Variants in FIGN observed in about 807,000 individuals in gnomAD.
The protein encoded by FIGN is fidgetin.
Under a neutral mutation model 51.3 loss-of-function variants are expected in FIGN, and 11 were observed. The observed-to-expected ratio is 0.21, with a 90% confidence interval of 0.13 to 0.35. The LOEUF (loss-of-function observed/expected upper bound fraction) is 0.35. Among genes scored for constraint, FIGN ranks in the 10% least tolerant of loss-of-function variants. FIGN has a pLI of 1.00. For synonymous variants in FIGN, 407 were observed against 363.2 expected (o/e 1.12, Z -1.37); for missense variants, 857 against 943.6 (o/e 0.91, Z 1.20).
intron 2 of FIGN, among the ~76,000 whole-genome samples, chr2:163,642,799 A>G (rs547254941): frequency 2.3e-4 from 35 of 152,360 alleles, no homozygotes; most frequent in African/African-American, 7.9e-4. Context: ...AGCATCAAAA[A>G]TAATAAAATG....
intron 2 of FIGN, among the ~76,000 whole-genome samples, chr2:163,613,712 A>G (rs1452846754): frequency 6.6e-6 from 1 of 152,224 alleles, no homozygotes; most frequent in Non-Finnish European, 1.5e-5. Context: ...CTTAATGATT[A>G]AGAAATACTG....
intron 2 of FIGN, among the ~76,000 whole-genome samples, chr2:163,650,227 T>C (rs1683449839): frequency 6.6e-6 from 1 of 152,074 alleles, no homozygotes; most frequent in Admixed American, 6.6e-5. Flanking sequence ...TGTAATGTGC[T>C]ATAATATAGT....
At chr2:163,733,245 A>G (rs1684960491) in intron 2 of FIGN, among the ~76,000 whole-genome samples, 1 of 152,192 alleles carries the variant, frequency 6.6e-6, no homozygotes, top group Non-Finnish European at 1.5e-5. Context: ...GAGGGGGGCA[A>G]TTTACACACT....
intron 2 of FIGN, among the ~76,000 whole-genome samples, chr2:163,733,697 T>G (rs1461097965): frequency 6.6e-6 from 1 of 152,152 alleles, no homozygotes; most frequent in African/African-American, 2.4e-5. Context: ...TTTCCTATCG[T>G]GTAAGTGTGG....
intron 2 of FIGN, among the ~76,000 whole-genome samples, chr2:163,704,400 G>A (rs1026413540): frequency 1.3e-5 from 2 of 152,026 alleles, no homozygotes; most frequent in Non-Finnish European, 2.9e-5. Context: ...AACATGGAGC[G>A]TAATTGTCAG....
intron 2 of FIGN, among the ~76,000 whole-genome samples, chr2:163,684,249 T>C (rs1684111143): frequency 6.6e-6 from 1 of 152,186 alleles, no homozygotes; most frequent in Non-Finnish European, 1.5e-5. Flanking sequence ...TTAGTCTCTA[T>C]AAAGGTACTA....
chr2:163,613,233 C>A (rs998887772), intron 2 of FIGN, among the ~76,000 whole-genome samples: 5 of 151,880 alleles, frequency 3.3e-5, no homozygotes, highest in African/African-American at 1.2e-4. Flanking sequence ...TTTAACACTT[C>A]CTATTCTGGT....
At chr2:163,668,003 C>T (rs1207530290) in intron 2 of FIGN, among the ~76,000 whole-genome samples, 2 of 143,464 alleles carry the variant, frequency 1.4e-5, no homozygotes, top group African/African-American at 2.8e-5. Flanking sequence ...AAGAGAACAC[C>T]CCTACCTCCA....
At chr2:163,687,306 C>T (rs1487447574) in intron 2 of FIGN, among the ~76,000 whole-genome samples, 1 of 152,124 alleles carries the variant, frequency 6.6e-6, no homozygotes, top group East Asian at 1.9e-4. Context: ...CAAACAAAAC[C>T]TTTCTCCAGA....
At chr2:163,720,118 G>A (rs1016165601) in intron 2 of FIGN, among the ~76,000 whole-genome samples, 5 of 152,104 alleles carry the variant, frequency 3.3e-5, no homozygotes, top group Non-Finnish European at 7.3e-5. Flanking sequence ...AACATCTGGG[G>A]CTACAGAATA....
chr2:163,629,585 A>G (rs2105309853), intron 2 of FIGN, among the ~76,000 whole-genome samples: 1 of 152,268 alleles, frequency 6.6e-6, no homozygotes. Context: ...AACTACGTCA[A>G]ATCTAGCAGG....
At chr2:163,622,203 G>C (rs1255247222) in intron 2 of FIGN, among the ~76,000 whole-genome samples, 2 of 152,022 alleles carry the variant, frequency 1.3e-5, no homozygotes, top group Non-Finnish European at 2.9e-5. Context: ...GCTGGGTGTG[G>C]TGGTTAATGC....
rs774892657 is a variant in FIGN at position 163,610,895 on chromosome 2, C to A, written c.937G>T (p.Ala313Ser). The A allele has an allele frequency of 1.7e-5, 28 of 1,613,158 alleles. No homozygotes were observed. The highest frequency in any genetic ancestry group is 2.4e-5 in the Non-Finnish European group (28 of 1,179,930). The change falls in exon 3 of 3, where the codon GCA becomes TCA. Residue 313 changes from alanine (A) to serine (S), a missense_variant. Ala to Ser is a moderately conservative substitution (Grantham distance 99). This residue lies in a region of FIGN where 799 missense variants were observed against 849.5 expected (regional missense o/e 0.94). Transcript: ENST00000333129. Reference protein sequence around the residue: ...IAPSALTNSSASSLKRKAFYM... With the variant: ...IAPSALTNSSSSSLKRKAFYM... ...AAAGCTTTCCTTTTGAGAGAACTTG[C>A]TGAACTGTTTGTCAGAGCCGACGGT...
chr2:163,620,780 T>C (rs1465430910), intron 2 of FIGN, among the ~76,000 whole-genome samples: 1 of 151,996 alleles, frequency 6.6e-6, no homozygotes, highest in African/African-American at 2.4e-5. Flanking sequence ...ACATGGCTAG[T>C]ATATTTCATC....
In FIGN at chr2:163,610,125, G is replaced by T; in HGVS notation, c.1707C>A (p.Ala569=). The T allele has an allele frequency of 6.2e-7, 1 of 1,614,064 alleles. No individual in the cohort carries two copies. The highest frequency in any genetic ancestry group is 1.3e-5 in the African/African-American group (1 of 75,012). ...WLGEAEKIIH[A]SFLVARCRQP... ...GGCGACACCTGGCCACAAGAAAAGA[G>T]GCATGGATAATTTTCTCTGCTTCTC... Residue 569 remains alanine, a synonymous_variant, in exon 3 of 3, where the codon GCC becomes GCA. Transcript: ENST00000333129.
rs553682652 is a variant in FIGN, at chr2:163,661,233, T to TTTA, written c.26-49430_26-49428dup. 4.8e-3 allele frequency among the ~76,000 whole-genome samples: 725 copies of TTTA among 150,634 alleles called. 6 individuals carry two copies. Among genetic ancestry groups the TTTA allele is most frequent in the African/African-American group, 0.017 (692 of 41,066 alleles). On this transcript the variant is annotated intron_variant, in intron 2 of 2. Transcript: ENST00000333129. ...ATATTAACTTTAAAATGATTATTTATTTATTATTATTATTATTATTTTTTG... is the reference window on the plus strand; with the variant it reads ...ATATTAACTTTAAAATGATTATTTATTTATTATTATTATTATTATTATTTTTTG...
chr2:163,676,974 A>G (rs1469263943), intron 2 of FIGN, among the ~76,000 whole-genome samples: 1 of 152,230 alleles, frequency 6.6e-6, no homozygotes, highest in Non-Finnish European at 1.5e-5. Flanking sequence ...ATATATTTCA[A>G]TGAAAGGAGG....
intron 2 of FIGN, among the ~76,000 whole-genome samples, chr2:163,665,646 C>T (rs1437936606): frequency 6.6e-6 from 1 of 152,104 alleles, no homozygotes; most frequent in Admixed American, 6.5e-5. Context: ...AGAATAAATC[C>T]ATTATAAAGA....
intron 2 of FIGN, among the ~76,000 whole-genome samples, chr2:163,633,458 T>C (rs1182911646): frequency 6.6e-6 from 1 of 152,186 alleles, no homozygotes; most frequent in Non-Finnish European, 1.5e-5. Flanking sequence ...CTAATATGCG[T>C]AGGAGCCAGG....
Sources: gnomAD v4.1 joint callset for allele counts (sites outside exome capture counted in the v4.1 genomes callset) on GRCh38, gnomAD v4.1.1 for gene constraint, gnomAD v4.1.1 regional missense constraint, MANE v1.5 for transcripts, NCBI Gene and HGNC (gene_info 2026-07-23, HGNC 2026-07-21) for gene names.